The following ASAH2 variants were observed in gnomAD, a reference collection of about 807,000 sequenced individuals.
The protein encoded by ASAH2 is neutral ceramidase.
A neutral mutation model predicts 82.9 loss-of-function variants in ASAH2; 58 were observed. That is an observed-to-expected ratio of 0.70 (90% CI 0.57 to 0.87). ASAH2 has a LOEUF of 0.87. Among genes scored for constraint, ASAH2 ranks in the 40% least tolerant of loss-of-function variants. The probability of loss-of-function intolerance (pLI) is 0.00; values close to 1 mark genes in which losing one functional copy is unlikely to be tolerated. For missense variants in ASAH2, 779 were observed against 834.0 expected (o/e 0.93, Z 0.81); for synonymous variants, 276 against 289.7 (o/e 0.95, Z 0.48).
intron 8 of ASAH2, among the ~76,000 whole-genome samples, chr10:50,218,120 T>A (rs1845655131): frequency 4.8e-5 from 3 of 61,994 alleles, no homozygotes; most frequent in African/African-American, 1.2e-4. Flanking sequence ...TGAAACTCTG[T>A]CTCAAAAAAT....
In ASAH2 at chr10:50,218,514, C is replaced by T; in HGVS notation, c.1010G>A (p.Gly337Glu). Residue 337 changes from glycine to glutamate, a missense_variant, in exon 8 of 21, where the codon GGA (glycine) becomes GAA (glutamate). By Grantham distance (98) the Gly-to-Glu change is moderately conservative. Around this residue, in one of 3 missense-constraint regions of ASAH2, gnomAD observed 759 missense variants for 755.2 expected, o/e 1.00. Coordinates refer to ENST00000682911, the MANE Select transcript of ASAH2 (RefSeq NM_019893.4). ...EQEKNKGYLP[G>E]QGPFVAAFAS... is the part of the protein sequence containing the mutation. Reference sequence around the variant, plus strand: ...TTCAATGATATAAATTCTCACCTGTCCAGGTAGATATCCTTTGTTCTTCTC... The same window carrying T: ...TTCAATGATATAAATTCTCACCTGTTCAGGTAGATATCCTTTGTTCTTCTC... The T allele has an allele frequency of 2.5e-6, 4 of 1,613,640 alleles. No homozygotes were observed. Among genetic ancestry groups the T allele is most frequent in the Non-Finnish European group, 3.4e-6 (4 of 1,179,724 alleles).
chr10:50,197,693 A>G (rs1269582146), intron 17 of ASAH2, among the ~76,000 whole-genome samples: 1 of 151,992 alleles, frequency 6.6e-6, no homozygotes, highest in Non-Finnish European at 1.5e-5. Flanking sequence ...TCAAGATCAC[A>G]TAGCTAGTTT....
At chr10:50,198,115 A>G (rs1845038357) in intron 17 of ASAH2, among the ~76,000 whole-genome samples, 1 of 152,022 alleles carries the variant, frequency 6.6e-6, no homozygotes, top group Non-Finnish European at 1.5e-5. Context: ...TCAACGTTCA[A>G]TTGATGCAAC....
At chr10:50,212,759 G>A (rs1845491158) in intron 10 of ASAH2, among the ~76,000 whole-genome samples, 1 of 152,082 alleles carries the variant, frequency 6.6e-6, no homozygotes, top group Non-Finnish European at 1.5e-5. Context: ...GGTTTTAAAT[G>A]TACTTCCTAT....
chr10:50,227,155 G>A (rs1373591796), intron 7 of ASAH2, among the ~76,000 whole-genome samples: 3 of 151,990 alleles, frequency 2.0e-5, no homozygotes, highest in Non-Finnish European at 4.4e-5. Flanking sequence ...AATAACTAAA[G>A]CTATATGATA....
chr10:50,227,976 A>T (rs1332699859), intron 7 of ASAH2, among the ~76,000 whole-genome samples: 2 of 152,180 alleles, frequency 1.3e-5, no homozygotes, highest in African/African-American at 4.8e-5. Context: ...GACAGCATCA[A>T]GCTTCACAAC....
At chr10:50,234,671 A>G in intron 5 of ASAH2, 119 bp from the exon 6 acceptor site, 3 of 1,380,850 alleles carry the variant, frequency 2.2e-6, no homozygotes, top group East Asian at 2.3e-5. Flanking sequence ...ATGGGTCCAC[A>G]TTACGGGATA....
intron 4 of ASAH2, among the ~76,000 whole-genome samples, chr10:50,240,938 G>C (rs1395919769): frequency 1.3e-5 from 2 of 152,196 alleles, no homozygotes; most frequent in Admixed American, 6.5e-5. Context: ...TTAGTGACTT[G>C]CTTGATGAAT....
At position 50,185,956 on chromosome 10, in the gene ASAH2, G is replaced by A. The variant is rs1447118988; in HGVS notation, c.*1359C>T. 3 of 148,166 alleles carry A rather than the reference G, an allele frequency of 2.0e-5. No homozygotes were observed. Among genetic ancestry groups the A allele is most frequent in the African/African-American group, 7.7e-5 (3 of 39,124 alleles). The allele number at this position is 148,166 out of a possible 1,614,324, so 9.2% of individuals were successfully genotyped here. On this transcript the variant is annotated 3_prime_UTR_variant, in exon 21 of 21. Transcript: ENST00000682911. ...GTTTGGAAATTTGCTTTGCAGTCTG[G>A]GAGGTTGTAGTTAACTTAAAGAATT...
At chr10:50,223,730 T>A (rs1334481146) in intron 7 of ASAH2, among the ~76,000 whole-genome samples, 1 of 152,176 alleles carries the variant, frequency 6.6e-6, no homozygotes, top group Non-Finnish European at 1.5e-5. Flanking sequence ...TTAAGTGATA[T>A]TATACTGACC....
intron 4 of ASAH2, among the ~76,000 whole-genome samples, chr10:50,238,459 A>T (rs1227438058): frequency 6.6e-6 from 1 of 152,154 alleles, no homozygotes; most frequent in Non-Finnish European, 1.5e-5. Flanking sequence ...CAAGACTAAC[A>T]TCCTTCTGTA....
intron 16 of ASAH2, among the ~76,000 whole-genome samples, chr10:50,200,502 C>T (rs1279127782): frequency 4.7e-4 from 71 of 152,142 alleles, no homozygotes; most frequent in Middle Eastern, 3.4e-3. Flanking sequence ...CACTTGTTGT[C>T]AAGAACTCAT....
chr10:50,224,436 G>C (rs1845826986), intron 7 of ASAH2, among the ~76,000 whole-genome samples: 3 of 152,002 alleles, frequency 2.0e-5, no homozygotes, highest in African/African-American at 7.2e-5. Flanking sequence ...TAAATATATG[G>C]GGGCGGTGTT....
intron 4 of ASAH2, among the ~76,000 whole-genome samples, chr10:50,236,974 T>C (rs2133227206): frequency 6.6e-6 from 1 of 152,130 alleles, no homozygotes. Context: ...TATTATATCA[T>C]AGAGTGATAG....
intron 4 of ASAH2, among the ~76,000 whole-genome samples, chr10:50,238,397 A>G (rs1260958223): frequency 2.0e-5 from 3 of 152,212 alleles, no homozygotes; most frequent in Non-Finnish European, 4.4e-5. Flanking sequence ...TACCATGTCC[A>G]CATAAGCAAT....
rs1208518684 is a variant in ASAH2, at chr10:50,239,828, A to AT, written c.510+3373dup. ...TATTCATCTCCAAATCTCACATTTA[A>AT]TTTTTTTTTTTTTTTTTTTGAGTCA... On this transcript the variant is annotated intron_variant, in intron 4 of 20. Transcript: ENST00000682911. 6.3e-3 allele frequency among the ~76,000 whole-genome samples: 764 copies of AT among 120,636 alleles called. 16 individuals are homozygous for AT. The highest frequency in any genetic ancestry group is 0.011 in the African/African-American group (377 of 33,346). The allele number at this position is 120,636 out of a possible 152,430, so 79.1% of individuals were successfully genotyped here.
chr10:50,213,049 A>C lies in ASAH2; in HGVS notation c.1150T>G (p.Cys384Gly). 1 of 1,613,124 alleles carries C rather than the reference A, an allele frequency of 6.2e-7. No individual in the cohort carries two copies. Among genetic ancestry groups the C allele is most frequent in the Non-Finnish European group, 8.5e-7 (1 of 1,179,096 alleles). Residue 384 changes from cysteine (C) to glycine (G), a missense_variant, in exon 10 of 21, where the codon TGC (cysteine) becomes GGC (glycine). By Grantham distance (159) the Cys-to-Gly change is radical. This residue lies in a region of ASAH2 where 759 missense variants were observed against 755.2 expected (regional missense o/e 1.00). Transcript: ENST00000682911. ...STCPIGGPSM[C>G]IAKGPGQDMF... ...TCCTGTCCAGGTCCCTTAGCAATGCACATGCTAGGCTGGAACAAAATAAGA... is the reference window on the plus strand; with the variant it reads ...TCCTGTCCAGGTCCCTTAGCAATGCCCATGCTAGGCTGGAACAAAATAAGA...
chr10:50,215,780 A>G (rs993098817), intron 8 of ASAH2, among the ~76,000 whole-genome samples: 4 of 152,186 alleles, frequency 2.6e-5, no homozygotes, highest in Non-Finnish European at 4.4e-5. Flanking sequence ...AGAACCAGAA[A>G]TACCATCTAA....
chr10:50,205,962 T>G lies in ASAH2; in HGVS notation c.1530+20A>C. The G allele has an allele frequency of 6.4e-7, 1 of 1,558,056 alleles. No individual in the cohort carries two copies. Among genetic ancestry groups the G allele is most frequent in the Non-Finnish European group, 8.9e-7 (1 of 1,129,290 alleles). The stretch of plus-strand genomic sequence containing the variant: ...AAATAACAATATGCTAATTTCACTA[T>G]GATAACGAAAATGCATTACTTCTCC... On this transcript the variant is annotated intron_variant, in intron 13 of 20. Coordinates refer to ENST00000682911, the MANE Select transcript of ASAH2 (RefSeq NM_019893.4).
Sources: gnomAD v4.1 joint callset for allele counts (sites outside exome capture counted in the v4.1 genomes callset) on GRCh38, gnomAD v4.1.1 for gene constraint, gnomAD v4.1.1 regional missense constraint, MANE v1.5 for transcripts, NCBI Gene and HGNC (gene_info 2026-07-23, HGNC 2026-07-21) for gene names.